Variants in NOTCH2 observed in about 807,000 individuals in gnomAD.
NOTCH2 encodes the protein neurogenic locus notch homolog protein 2.
In NOTCH2, 29 loss-of-function variants were observed where a neutral mutation model predicts 235.8. The ratio of observed to expected loss-of-function variants is 0.12; its 90% CI spans 0.09 to 0.17. The LOEUF (loss-of-function observed/expected upper bound fraction) is 0.17. NOTCH2 is among the 10% of genes least tolerant of loss of function. The pLI is 1.00. For synonymous variants in NOTCH2, 1,086 were observed against 1,141.5 expected, an observed-to-expected ratio of 0.95 and a Z score of 0.98; for missense variants, 2,285 against 3,150.2, an observed-to-expected ratio of 0.73 and a Z score of 6.57.
intron 33 of NOTCH2, among the ~76,000 whole-genome samples, chr1:119,917,330 G>A (rs754222709): frequency 3.6e-4 from 54 of 152,006 alleles, no homozygotes; most frequent in Admixed American, 6.6e-4. Flanking sequence ...AAAAGCAGCC[G>A]GAGGGAAAAA....
chr1:119,959,279 C>G, intron 12 of NOTCH2, 113 bp downstream of exon 12: 1 of 734,076 alleles, frequency 1.4e-6, no homozygotes, highest in African/African-American at 1.7e-5. Context: ...AGACTACTAA[C>G]CCTCCAGAGT....
intron 22 of NOTCH2, among the ~76,000 whole-genome samples, chr1:119,932,564 G>A (rs587657167): frequency 1.3e-5 from 2 of 152,152 alleles, no homozygotes; most frequent in Admixed American, 1.3e-4. Flanking sequence ...TCCAGCCTGG[G>A]CAACAAGAGC....
rs781872140 is a variant in NOTCH2 at position 119,928,978 on chromosome 1, G to A, written c.3890C>T (p.Thr1297Ile). ...DYLCVCRSAFTGRHCETFVDV... is the reference protein window; with the variant it reads ...DYLCVCRSAFIGRHCETFVDV... ...CAGGAGGCTAGAGAGCTTCTCACCA[G>A]TAAAGGCACTACGGCAAACACACAG... The change falls in exon 23 of 34, where the codon ACT (threonine) becomes ATT (isoleucine). Residue 1297 changes from threonine (T) to isoleucine (I), a missense_variant and splice_region_variant. Transcript: ENST00000256646. The A allele has an allele frequency of 4.3e-6, 7 of 1,613,598 alleles. No individual in the cohort carries two copies. The Admixed American group carries it at 8.3e-5, about 19-fold the overall frequency.
At chr1:119,931,427 A>C (rs1649656942) in intron 22 of NOTCH2, among the ~76,000 whole-genome samples, 1 of 152,160 alleles carries the variant, frequency 6.6e-6, no homozygotes, top group Non-Finnish European at 1.5e-5. Flanking sequence ...ATAATTCATA[A>C]ATTTAATGAG....
At chr1:120,007,597 T>G (rs1570741066) in intron 2 of NOTCH2, among the ~76,000 whole-genome samples, 1 of 150,348 alleles carries the variant, frequency 6.7e-6, no homozygotes, top group Non-Finnish European at 1.5e-5. Context: ...GGCTGAGGCA[T>G]GAGAATTGCT....
intron 4 of NOTCH2, among the ~76,000 whole-genome samples, chr1:119,988,563 G>T (rs1456140627): frequency 6.6e-6 from 1 of 152,140 alleles, no homozygotes; most frequent in African/African-American, 2.4e-5. Flanking sequence ...AAAATGATGA[G>T]CCATTGAAGC....
chr1:119,996,727 C>T (rs782598288), intron 4 of NOTCH2: 4 of 1,149,648 alleles, frequency 3.5e-6, no homozygotes, highest in East Asian at 2.3e-5. Context: ...GAGCTCTGTT[C>T]CTCTTATTTC....
chr1:119,933,903 G>T (rs1205444244), intron 22 of NOTCH2, among the ~76,000 whole-genome samples: 1 of 152,208 alleles, frequency 6.6e-6, no homozygotes, highest in Non-Finnish European at 1.5e-5. Flanking sequence ...ATAGTGATAT[G>T]TGTTGCTTCC....
chr1:119,913,801 C>T lies in NOTCH2; in HGVS notation c.*1505G>A, dbSNP rs1305166677. 2 of 232,848 alleles carry T rather than the reference C, an allele frequency of 8.6e-6. No individual in the cohort carries two copies. Among genetic ancestry groups the T allele is most frequent in the Non-Finnish European group, 1.7e-5 (2 of 117,902 alleles). The allele number at this position is 232,848 out of a possible 1,614,324, so 14.4% of individuals were successfully genotyped here. On this transcript the variant is annotated 3_prime_UTR_variant, in exon 34 of 34. Coordinates refer to ENST00000256646, the MANE Select transcript of NOTCH2 (RefSeq NM_024408.4). ...TAGTTGCCAAAGGGAATGTCATGGC[C>T]GCTTCAGAGGAAAAGAAATGGTAGC...
chr1:119,936,525 T>C (rs1402380974), intron 21 of NOTCH2, among the ~76,000 whole-genome samples: 4 of 152,180 alleles, frequency 2.6e-5, no homozygotes, highest in African/African-American at 9.7e-5. Context: ...ACTAGATGTG[T>C]CAAAATTTGG....
At chr1:120,033,511 A>G (rs1300072905) in intron 1 of NOTCH2, among the ~76,000 whole-genome samples, 1 of 149,000 alleles carries the variant, frequency 6.7e-6, no homozygotes, top group Non-Finnish European at 1.5e-5. Flanking sequence ...TTGAGACAAC[A>G]TGGATAGAAT....
At chr1:119,952,630 G>T (rs587750631) in intron 14 of NOTCH2, among the ~76,000 whole-genome samples, 1 of 152,108 alleles carries the variant, frequency 6.6e-6, no homozygotes, top group African/African-American at 2.4e-5. Flanking sequence ...GAGCTCAGGC[G>T]GTAATGTGAG....
Position 119,916,680 on chromosome 1 carries a change from C to T in NOTCH2, c.6042G>A (p.Leu2014=), listed in dbSNP as rs1000209105. 6.2e-7 allele frequency: 1 copy of T among 1,614,072 alleles called. No individual in the cohort carries two copies. Among genetic ancestry groups the T allele is most frequent in the African/African-American group, 1.3e-5 (1 of 74,924 alleles). The part of the protein sequence containing the change: ...DMQDNKEETP[L]FLAAREGSYE... Reference sequence around the variant, plus strand: ...AGCTCCCCTCCCGGGCAGCAAGAAACAGAGGTGTCTCTTCCTACAGAAAAG... The same window carrying T: ...AGCTCCCCTCCCGGGCAGCAAGAAATAGAGGTGTCTCTTCCTACAGAAAAG... The change falls in exon 34 of 34, where the codon CTG becomes CTA. Residue 2014 remains leucine, a synonymous_variant. Coordinates refer to ENST00000256646, the MANE Select transcript of NOTCH2 (RefSeq NM_024408.4).
At position 119,923,808 on chromosome 1, in the gene NOTCH2, C is replaced by A. The variant is rs767706572; in HGVS notation, c.4688G>T (p.Arg1563Leu). 3 of 1,614,032 alleles carry A rather than the reference C, an allele frequency of 1.9e-6. No individual in the cohort carries two copies. The highest frequency in any genetic ancestry group is 1.3e-5 in the African/African-American group (1 of 74,884). The change falls in exon 26 of 34, where the codon CGC becomes CTC. Residue 1563 changes from arginine (R) to leucine (L), a missense_variant. Arg to Leu is a moderately radical substitution (Grantham distance 102, BLOSUM62 -2). This residue lies in a region of NOTCH2 where 1,173 missense variants were observed against 1,515.3 expected (regional missense o/e 0.77). Coordinates refer to ENST00000256646, the MANE Select transcript of NOTCH2 (RefSeq NM_024408.4). ...MPPEQLLQDA[R>L]SFLRALGTLL... ...GGTACCCAGTGCCCGCAAGAAGCTG[C>A]GAGCATCCTGGAGCAGTTGTTCAGG...
chr1:120,069,612 C>G lies in NOTCH2; in HGVS notation c.-206G>C. 1 of 1,408,928 alleles carries G rather than the reference C, an allele frequency of 7.1e-7. No individual in the cohort carries two copies. Among genetic ancestry groups the G allele is most frequent in the South Asian group, 1.5e-5 (1 of 65,378 alleles). 87.3% of individuals were successfully genotyped at this position (1,408,928 alleles called of 1,614,324 possible). On this transcript the variant is annotated 5_prime_UTR_variant, in exon 1 of 34. Coordinates refer to ENST00000256646, the MANE Select transcript of NOTCH2 (RefSeq NM_024408.4). ...GCCGCTCCTCGGCCGCCGCCTCAGCCGCCGCCCGAAGTTTGGCTGAAACTT... is the reference window on the plus strand; with the variant it reads ...GCCGCTCCTCGGCCGCCGCCTCAGCGGCCGCCCGAAGTTTGGCTGAAACTT...
Position 119,965,322 on chromosome 1 carries a change from G to A in NOTCH2, c.1681+131C>T. On this transcript the variant is annotated intron_variant, in intron 10 of 33. Coordinates refer to ENST00000256646, the MANE Select transcript of NOTCH2 (RefSeq NM_024408.4). ...AGCAGCAAAAAATTTGTTAGAAACA[G>A]CTCTTCCTAAACACAGAGGAGCCTC... is the stretch of plus-strand genomic sequence containing the variant. 8 of 810,088 alleles carry A rather than the reference G, an allele frequency of 9.9e-6. No homozygotes were observed. In the Admixed American group the frequency reaches 1.2e-4, roughly 12 times the overall value. 50.2% of individuals were successfully genotyped at this position (810,088 alleles called of 1,614,324 possible).
chr1:119,952,533 C>T (rs1650521074), intron 14 of NOTCH2, among the ~76,000 whole-genome samples: 1 of 152,180 alleles, frequency 6.6e-6, no homozygotes, highest in African/African-American at 2.4e-5. Flanking sequence ...ATAAGGAGCG[C>T]ACAATCTACA....
chr1:119,982,559 T>C (rs1651849976), intron 5 of NOTCH2, among the ~76,000 whole-genome samples: 1 of 152,274 alleles, frequency 6.6e-6, no homozygotes, highest in Non-Finnish European at 1.5e-5. Flanking sequence ...TAAATGGATA[T>C]CTGCCAGAGC....
At chr1:120,005,192 T>C (rs1185514758) in intron 3 of NOTCH2, 137 bp downstream of exon 3, 7 of 982,744 alleles carry the variant, frequency 7.1e-6, no homozygotes, top group African/African-American at 3.1e-5. Flanking sequence ...GTCTGGAACA[T>C]CCCAGTTCCT....
Sources: allele counts gnomAD v4.1 joint callset (sites outside exome capture counted in the v4.1 genomes callset), GRCh38; gene constraint gnomAD v4.1.1; regional missense constraint gnomAD v4.1.1; transcripts MANE v1.5; gene names NCBI Gene and HGNC (gene_info 2026-07-23, HGNC 2026-07-21).